Variants in ACTR3 observed in about 807,000 individuals in gnomAD.
ACTR3 encodes actin-related protein 3.
In ACTR3, 12 loss-of-function variants were observed where a neutral mutation model predicts 56.8. The observed-to-expected ratio is 0.21, with a 90% CI of 0.14 to 0.34. The LOEUF (loss-of-function observed/expected upper bound fraction) is 0.34. Ranked by LOEUF, ACTR3 falls within the 10% of genes least tolerant of loss-of-function variation. The pLI is 1.00. For synonymous variants in ACTR3, 162 were observed against 167.4 expected (o/e 0.97, Z 0.25); for missense variants, 282 against 512.5 (o/e 0.55, Z 4.34).
chr2:113,937,138 C>T lies in ACTR3; in HGVS notation c.540+2752C>T, dbSNP rs1408398625. On this transcript the variant is annotated intron_variant, in intron 6 of 11. Transcript: ENST00000263238. ...ACTTTTTTGGAGACAGAGTCTTGCT[C>T]TGTCGCCGAGGCTGGAGTGCAGTGG... Among the ~76,000 whole-genome samples the T allele has an allele frequency of 2.0e-5, 3 of 152,124 alleles. No individual in the cohort carries two copies. In the East Asian group the frequency reaches 5.8e-4, roughly 29 times the overall value.
At chr2:113,940,187 G>C in intron 7 of ACTR3, 85 bp downstream of exon 7, 1 of 1,182,310 alleles carries the variant, frequency 8.5e-7, no homozygotes, top group Non-Finnish European at 1.2e-6. Flanking sequence ...AATAGAAGAA[G>C]AGTACTTGAA....
intron 2 of ACTR3, 72 bp from the exon 3 acceptor site, chr2:113,916,812 G>T: frequency 7.4e-7 from 1 of 1,345,398 alleles, no homozygotes; most frequent in African/African-American, 1.5e-5. Context: ...TTTGTAATGG[G>T]AGAAGTGTAA....
chr2:113,937,032 A>T (rs1679840591), intron 6 of ACTR3, among the ~76,000 whole-genome samples: 1 of 152,164 alleles, frequency 6.6e-6, no homozygotes, highest in African/African-American at 2.4e-5. Context: ...TCTGAGATAG[A>T]GCTTAGGACT....
rs141734990 is a variant in ACTR3, at chr2:113,910,458, C to T, written c.45-2714C>T. 2.9e-4 allele frequency among the ~76,000 whole-genome samples: 44 copies of T among 152,168 alleles called. No homozygotes were observed. The East Asian group carries it at 8.3e-3, about 29-fold the overall frequency. ...GAGCCACTTTAGCAAATTAATTGAA[C>T]TCAAGGAGGGAGTATGGGAAACTCA... is the stretch of plus-strand genomic sequence containing the variant. On this transcript the variant is annotated intron_variant, in intron 1 of 11. Coordinates refer to ENST00000263238, the MANE Select transcript of ACTR3 (RefSeq NM_005721.5).
At chr2:113,953,634 C>T (rs1340811694) in intron 10 of ACTR3, 1 of 151,894 alleles carries the variant, frequency 6.6e-6, no homozygotes, top group Non-Finnish European at 1.5e-5. Flanking sequence ...TTAATGGCAA[C>T]CAAACAGTTT....
chr2:113,922,527 G>A (rs1357788566), intron 3 of ACTR3, among the ~76,000 whole-genome samples: 1 of 152,174 alleles, frequency 6.6e-6, no homozygotes, highest in African/African-American at 2.4e-5. Context: ...CTTAGCGGTA[G>A]GGGCGGCATT....
At chr2:113,952,605 C>T (rs1680140493) in intron 10 of ACTR3, 1 of 152,044 alleles carries the variant, frequency 6.6e-6, no homozygotes, top group South Asian at 2.1e-4. Flanking sequence ...AAGCACAGCA[C>T]TCTAGGGTTT....
intron 1 of ACTR3, among the ~76,000 whole-genome samples, chr2:113,909,346 T>G (rs1322312271): frequency 6.6e-6 from 1 of 152,222 alleles, no homozygotes; most frequent in East Asian, 1.9e-4. Context: ...ATACTCAGCC[T>G]AGGAAATTTG....
In ACTR3 at chr2:113,925,834, A is replaced by G. The variant is rs187144967; in HGVS notation, c.226-1511A>G. 1.5e-3 allele frequency among the ~76,000 whole-genome samples: 227 copies of G among 152,302 alleles called. 1 individual carries two copies. The highest frequency in any genetic ancestry group is 4.0e-3 in the Admixed American group (61 of 15,294). ...ATGTTAGGGATTGATACTGCAAGGT[A>G]TTTATTTCTTTGTTCATTAATTTGT... is the stretch of plus-strand genomic sequence containing the variant. On this transcript the variant is annotated intron_variant, in intron 3 of 11. Coordinates refer to ENST00000263238, the MANE Select transcript of ACTR3 (RefSeq NM_005721.5).
At chr2:113,925,481 C>G (rs1157823728) in intron 3 of ACTR3, among the ~76,000 whole-genome samples, 8 of 152,224 alleles carry the variant, frequency 5.3e-5, no homozygotes, top group Non-Finnish European at 7.3e-5. Context: ...CAGGCATGAG[C>G]CACCACGCCC....
In ACTR3 at chr2:113,924,210, C is replaced by G. The variant is rs767176252; in HGVS notation, c.226-3135C>G. 6.6e-5 allele frequency among the ~76,000 whole-genome samples: 10 copies of G among 151,896 alleles called. 1 individual carries two copies. The highest frequency in any genetic ancestry group is 1.2e-4 in the Non-Finnish European group (8 of 67,978). On this transcript the variant is annotated intron_variant, in intron 3 of 11. Transcript: ENST00000263238. ...TCAGCCTCCTGAGTAGCGGGGACTA[C>G]AGGTGTGTGCCACCACACCTGGCTA...
At chr2:113,949,487 A>C (rs1209005889) in intron 8 of ACTR3, among the ~76,000 whole-genome samples, 1 of 151,988 alleles carries the variant, frequency 6.6e-6, no homozygotes, top group Non-Finnish European at 1.5e-5. Context: ...TCTCTCAACT[A>C]GGACAACCTA....
chr2:113,907,713 C>T (rs1679221456), intron 1 of ACTR3, among the ~76,000 whole-genome samples: 1 of 152,014 alleles, frequency 6.6e-6, no homozygotes, highest in African/African-American at 2.4e-5. Context: ...TGGCTCACAG[C>T]TGTAATCCCA....
chr2:113,895,986 G>A (rs1002361445), intron 1 of ACTR3, among the ~76,000 whole-genome samples: 5 of 152,102 alleles, frequency 3.3e-5, no homozygotes, highest in Non-Finnish European at 7.3e-5. Flanking sequence ...AGTCCCCCGA[G>A]TAGCTGGGAC....
intron 1 of ACTR3, among the ~76,000 whole-genome samples, chr2:113,910,004 A>G (rs1176300476): frequency 6.6e-6 from 1 of 152,188 alleles, no homozygotes; most frequent in Non-Finnish European, 1.5e-5. Context: ...ATTCGGACAT[A>G]CAACTCCTAT....
intron 1 of ACTR3, among the ~76,000 whole-genome samples, chr2:113,898,330 G>C (rs535844098): frequency 3.9e-4 from 59 of 152,244 alleles, no homozygotes; most frequent in Non-Finnish European, 7.2e-4. Context: ...GGGATTTTGA[G>C]AGATAATTTA....
At chr2:113,932,057 C>T (rs947759440) in intron 5 of ACTR3, among the ~76,000 whole-genome samples, 3 of 152,172 alleles carry the variant, frequency 2.0e-5, no homozygotes, top group African/African-American at 4.8e-5. Flanking sequence ...AAATGGTTAG[C>T]TGTGATACCA....
At chr2:113,956,976 G>T (rs1680227784) in intron 11 of ACTR3, among the ~76,000 whole-genome samples, 1 of 152,196 alleles carries the variant, frequency 6.6e-6, no homozygotes, top group Non-Finnish European at 1.5e-5. Context: ...GTCATAGCAT[G>T]ACTAGGAGTA....
At chr2:113,916,744 CTT>C (rs1211240130) in intron 2 of ACTR3, 138 bp from the exon 3 acceptor site, 2 of 628,826 alleles carry the variant, frequency 3.2e-6, no homozygotes, top group Non-Finnish European at 4.7e-6. Flanking sequence ...TTTCTTATGA[CTT>C]TTGTGAATTA....
Sources: gnomAD v4.1 joint callset for allele counts (sites outside exome capture counted in the v4.1 genomes callset) on GRCh38, gnomAD v4.1.1 for gene constraint, MANE v1.5 for transcripts, NCBI Gene and HGNC (gene_info 2026-07-23, HGNC 2026-07-21) for gene names.